Variants in POU2F2 observed in about 807,000 individuals in gnomAD.
The protein encoded by POU2F2 is POU domain, class 2, transcription factor 2.
In POU2F2, 14 loss-of-function variants were observed where a neutral mutation model predicts 63.5. The ratio of observed to expected loss-of-function variants is 0.22; its 90% CI spans 0.15 to 0.34. POU2F2 has a LOEUF of 0.34. Ranked by LOEUF, POU2F2 falls within the 10% of genes least tolerant of loss-of-function variation. POU2F2 has a pLI of 1.00. For missense variants in POU2F2, 607 were observed against 815.2 expected (o/e 0.74, Z 3.11); for synonymous variants, 306 against 348.6 (o/e 0.88, Z 1.36).
intron 1 of POU2F2, among the ~76,000 whole-genome samples, chr19:42,194,742 G>C (rs1307695830): frequency 2.1e-5 from 2 of 95,600 alleles, no homozygotes; most frequent in Non-Finnish European, 3.6e-5. Flanking sequence ...CTGGGCAACA[G>C]AGTGAGACTC....
chr19:42,129,947 A>G (rs929227329), intron 1 of POU2F2, among the ~76,000 whole-genome samples: 1 of 152,236 alleles, frequency 6.6e-6, no homozygotes, highest in Admixed American at 6.5e-5. Flanking sequence ...TACAAGAAAC[A>G]GATGTGCACA....
At chr19:42,160,730 G>A (rs2034536807) in intron 1 of POU2F2, among the ~76,000 whole-genome samples, 1 of 152,206 alleles carries the variant, frequency 6.6e-6, no homozygotes, top group South Asian at 2.1e-4. Flanking sequence ...AGAGGGCCTG[G>A]CAAATTTGAG....
At chr19:42,197,634 G>C (rs983978164), upstream of POU2F2, among the ~76,000 whole-genome samples, 3 of 152,190 alleles carry the variant, frequency 2.0e-5, no homozygotes, top group South Asian at 2.1e-4. Context: ...CCTTACATGA[G>C]GGGTGGGGGA....
upstream of POU2F2, among the ~76,000 whole-genome samples, chr19:42,179,093 C>T (rs2034930701): frequency 6.6e-6 from 1 of 151,850 alleles, no homozygotes; most frequent in Admixed American, 6.6e-5. Flanking sequence ...GTAGACAAGG[C>T]TGGGGATGGG....
intron 7 of POU2F2, among the ~76,000 whole-genome samples, chr19:42,098,842 A>G (rs879813975): frequency 1.3e-5 from 2 of 152,244 alleles, no homozygotes; most frequent in African/African-American, 2.4e-5. Context: ...GAACTCAGGC[A>G]GCAAACTGAA....
rs145298629 is a variant in POU2F2, at chr19:42,193,187, C to T, written c.-70+3196G>A. ...GAGCCAAGATCGGGCCACTGCACTG[C>T]AACCTGGGCGACAGAACGAGACTCC... is the stretch of plus-strand genomic sequence containing the variant. On this transcript the variant is annotated intron_variant, in intron 1 of 5. Transcript: ENST00000532176. Among the ~76,000 whole-genome samples, 37 of 132,020 alleles carry T rather than the reference C, an allele frequency of 2.8e-4. No individual in the cohort carries two copies. In the East Asian group the frequency reaches 8.1e-3, roughly 29 times the overall value. The allele number at this position is 132,020 out of a possible 152,430, so 86.6% of individuals were successfully genotyped here. A position where few individuals can be genotyped will look rare whatever the true frequency, so the allele number is the denominator to read the frequency against.
In POU2F2 at chr19:42,122,492, C is replaced by T. The variant is rs528972648; in HGVS notation, c.94+19G>A. ...CCTGCCCACGGTGACCCCTGCCCCCCTGCTCCCTGCCCACCCACCTGTGTG... is the reference window on the plus strand; with the variant it reads ...CCTGCCCACGGTGACCCCTGCCCCCTTGCTCCCTGCCCACCCACCTGTGTG... On this transcript the variant is annotated intron_variant, in intron 2 of 14. Coordinates refer to ENST00000692977, the MANE Select transcript of POU2F2 (RefSeq NM_001394376.1). The T allele has an allele frequency of 1.2e-6, 2 of 1,611,226 alleles. No individual in the cohort carries two copies. The highest frequency in any genetic ancestry group is 2.7e-5 in the African/African-American group (2 of 74,952).
chr19:42,109,534 C>G lies in POU2F2; in HGVS notation c.369+7716G>C, dbSNP rs2030729814. The stretch of plus-strand genomic sequence containing the variant: ...GGGGAAAGGGAAGGCGGACAACGGA[C>G]ACAGTTTCAGTGAGATAACAGGAAT... On this transcript the variant is annotated intron_variant, in intron 5 of 14. Coordinates refer to ENST00000692977, the MANE Select transcript of POU2F2 (RefSeq NM_001394376.1). Among the ~76,000 whole-genome samples the G allele has an allele frequency of 2.0e-5, 3 of 152,208 alleles. No homozygotes were observed. The South Asian group carries it at 6.2e-4, about 32-fold the overall frequency.
At chr19:42,121,359 G>C (rs1050089511) in intron 4 of POU2F2, among the ~76,000 whole-genome samples, 1 of 152,172 alleles carries the variant, frequency 6.6e-6, no homozygotes, top group Non-Finnish European at 1.5e-5. Flanking sequence ...GGCAACCACA[G>C]AGGCCATCCC....
At position 42,117,324 on chromosome 19, in the gene POU2F2, G is replaced by T. The variant is rs1247757913; in HGVS notation, c.295C>A (p.Pro99Thr). 1.3e-6 allele frequency: 2 copies of T among 1,527,688 alleles called. No homozygotes were observed. Among genetic ancestry groups the T allele is most frequent in the Non-Finnish European group, 1.7e-6 (2 of 1,149,272 alleles). 94.6% of individuals were successfully genotyped at this position (1,527,688 alleles called of 1,614,324 possible). A position where few individuals can be genotyped will look rare whatever the true frequency, so the allele number is the denominator to read the frequency against. Residue 99 changes from proline (P) to threonine (T), a missense_variant, in exon 5 of 15, where the codon CCC becomes ACC. Coordinates refer to ENST00000692977, the MANE Select transcript of POU2F2 (RefSeq NM_001394376.1). The surrounding 1 kb of genome is among the most constrained non-coding windows in gnomAD (Gnocchi z 4.4). ...DPSGDSAPAA[P>T]LPPQPAQPHL... ...GGCTGGGCCGGCTGAGGGGGCAGGG[G>T]TGCTGCTGGGGCTGAATCGCCACTG...
At chr19:42,098,805 G>A (rs1041504250) in intron 7 of POU2F2, among the ~76,000 whole-genome samples, 1 of 152,210 alleles carries the variant, frequency 6.6e-6, no homozygotes, top group Non-Finnish European at 1.5e-5. Context: ...ATTCATAAAA[G>A]GTAGTGAAAA....
rs1340922258 is a variant in POU2F2, at chr19:42,096,070, G to T, written c.729+12C>A. ...CCACGCCCACCGCCCAGCCTGCAAGGTGCCTCCAGACCTGCGTGAAGCCCA... is the reference window on the plus strand; with the variant it reads ...CCACGCCCACCGCCCAGCCTGCAAGTTGCCTCCAGACCTGCGTGAAGCCCA... On this transcript the variant is annotated intron_variant, in intron 8 of 14. Transcript: ENST00000692977. The surrounding 1 kb of genome is among the most constrained non-coding windows in gnomAD (Gnocchi z 4.1). 5 of 1,612,956 alleles carry T rather than the reference G, an allele frequency of 3.1e-6. No homozygotes were observed. The highest frequency in any genetic ancestry group is 2.7e-5 in the African/African-American group (2 of 74,894).
chr19:42,127,176 GAC>G (rs1471627749), intron 1 of POU2F2, among the ~76,000 whole-genome samples: 2 of 150,906 alleles, frequency 1.3e-5, no homozygotes, highest in African/African-American at 4.9e-5. Context: ...GCTGGTCTCA[GAC>G]TCGTGGGCTC....
chr19:42,161,051 C>A (rs555675679), intron 1 of POU2F2, among the ~76,000 whole-genome samples: 1 of 152,078 alleles, frequency 6.6e-6, no homozygotes, highest in South Asian at 2.1e-4. Context: ...TGCTCTATTA[C>A]GGGGCTCACA....
chr19:42,165,038 A>G (rs915855980), intron 1 of POU2F2, among the ~76,000 whole-genome samples: 1 of 151,324 alleles, frequency 6.6e-6, no homozygotes, highest in African/African-American at 2.4e-5. Flanking sequence ...TTTTCTTCTC[A>G]TCTCATTGAA....
At position 42,087,780 on chromosome 19, in the gene POU2F2, CTAACCTAGCCCA is replaced by C. The variant is rs1308338435; in HGVS notation, c.*3465_*3476del. The C allele has an allele frequency of 6.6e-6, 1 of 152,092 alleles. No homozygotes were observed. Among genetic ancestry groups the C allele is most frequent in the African/African-American group, 2.4e-5 (1 of 41,342 alleles). The allele number at this position is 152,092 out of a possible 1,614,324, so 9.4% of individuals were successfully genotyped here. ...GCCCTTGGCCCCCAACCTCGGACAT[CTAACCTAGCCCA>C]TAGCCTAGCCTGGGGTTGCCCTCCC... On this transcript the variant is annotated 3_prime_UTR_variant, in exon 15 of 15. Coordinates refer to ENST00000692977, the MANE Select transcript of POU2F2 (RefSeq NM_001394376.1).
chr19:42,091,159 G>A lies in POU2F2; in HGVS notation c.*98C>T, dbSNP rs1026249509. 1.7e-5 allele frequency: 20 copies of A among 1,178,476 alleles called. No homozygotes were observed. Among genetic ancestry groups the A allele is most frequent in the Non-Finnish European group, 2.3e-5 (20 of 872,044 alleles). The allele number at this position is 1,178,476 out of a possible 1,614,324, so 73.0% of individuals were successfully genotyped here. On this transcript the variant is annotated 3_prime_UTR_variant, in exon 15 of 15. Transcript: ENST00000692977. Reference sequence around the variant, plus strand: ...TCCTCCCTTGTCACTCCTGCTCTGAGGACCCTCTGCGTCCCCACCACTGGC... The same window carrying A: ...TCCTCCCTTGTCACTCCTGCTCTGAAGACCCTCTGCGTCCCCACCACTGGC...
In POU2F2 at chr19:42,162,883, C is replaced by T. The variant is rs1186158200; in HGVS notation, c.-69-2491G>A. ...CGATAGACAGATGGAAACACTGGCA[C>T]CCACAGACACATCAGTACTGGCATT... On this transcript the variant is annotated intron_variant, in intron 1 of 6. Transcript: ENST00000524801. The surrounding 1 kb of genome is among the most constrained non-coding windows in gnomAD (Gnocchi z 4.1). 1.3e-5 allele frequency among the ~76,000 whole-genome samples: 2 copies of T among 152,204 alleles called. No homozygotes were observed. The highest frequency in any genetic ancestry group is 2.9e-5 in the Non-Finnish European group (2 of 68,028).
intron 1 of POU2F2, among the ~76,000 whole-genome samples, chr19:42,192,312 T>C (rs1856611375): frequency 6.6e-6 from 1 of 152,110 alleles, no homozygotes; most frequent in Non-Finnish European, 1.5e-5. Flanking sequence ...GGAAGTGGGA[T>C]AGAGGGTGGT....
Sources: gnomAD v4.1 joint callset for allele counts (sites outside exome capture counted in the v4.1 genomes callset) on GRCh38, gnomAD v4.1.1 for gene constraint, Gnocchi (gnomAD v3.1) non-coding constraint, MANE v1.5 for transcripts, NCBI Gene and HGNC (gene_info 2026-07-23, HGNC 2026-07-21) for gene names.